Variants in CDK15 observed in about 807,000 individuals in gnomAD.
The protein encoded by CDK15 is cyclin-dependent kinase 15.
Under a neutral mutation model 60.3 loss-of-function variants are expected in CDK15, and 62 were observed. The ratio of observed to expected loss-of-function variants is 1.03; its 90% CI spans 0.84 to 1.27. The LOEUF (loss-of-function observed/expected upper bound fraction) is 1.27. CDK15 is among the 50% of genes most tolerant of loss of function. The probability of loss-of-function intolerance (pLI) is 0.00; values close to 1 mark genes in which losing one functional copy is unlikely to be tolerated. For missense variants in CDK15, 541 were observed against 527.8 expected (o/e 1.03, Z -0.25); for synonymous variants, 194 against 195.7 (o/e 0.99, Z 0.07).
intron 12 of CDK15, among the ~76,000 whole-genome samples, chr2:201,890,412 C>T (rs151137421): frequency 1.3e-5 from 2 of 152,188 alleles, no homozygotes; most frequent in Non-Finnish European, 2.9e-5. Context: ...GGCACCTTGT[C>T]TATGCTCTGT....
In CDK15 at chr2:201,834,856, T is replaced by C. The variant is rs142860046; in HGVS notation, c.731-787T>C. On this transcript the variant is annotated intron_variant, in intron 7 of 13. Transcript: ENST00000652192. Reference sequence around the variant, plus strand: ...CTGACATGTAAGCATTTAACAGATATTTGTTTATCAATTCTCCACAATAGC... The same window carrying C: ...CTGACATGTAAGCATTTAACAGATACTTGTTTATCAATTCTCCACAATAGC... Among the ~76,000 whole-genome samples the C allele has an allele frequency of 2.4e-3, 362 of 152,344 alleles. 2 individuals are homozygous for C. Among genetic ancestry groups the C allele is most frequent in the African/African-American group, 8.2e-3 (341 of 41,574 alleles).
chr2:201,874,833 C>T (rs759794603), intron 11 of CDK15, among the ~76,000 whole-genome samples: 10 of 152,204 alleles, frequency 6.6e-5, no homozygotes, highest in Non-Finnish European at 1.5e-4. Context: ...TGGGCATCTA[C>T]TACATCCCAA....
At chr2:201,838,459 T>C (rs1173695297) in intron 8 of CDK15, among the ~76,000 whole-genome samples, 3 of 151,940 alleles carry the variant, frequency 2.0e-5, no homozygotes, top group Non-Finnish European at 4.4e-5. Flanking sequence ...CAGGCTGGAG[T>C]ACAGAGGTGA....
chr2:201,851,640 T>C (rs1430844085), intron 9 of CDK15, among the ~76,000 whole-genome samples: 1 of 152,152 alleles, frequency 6.6e-6, no homozygotes, highest in Non-Finnish European at 1.5e-5. Flanking sequence ...AATACAAACA[T>C]TTAAACCACA....
At chr2:201,844,934 A>G (rs1200211707) in intron 8 of CDK15, among the ~76,000 whole-genome samples, 1 of 152,214 alleles carries the variant, frequency 6.6e-6, no homozygotes, top group African/African-American at 2.4e-5. Context: ...GGATCAATTG[A>G]GGCCAAGAGT....
intron 9 of CDK15, among the ~76,000 whole-genome samples, chr2:201,850,773 C>A (rs1251564181): frequency 6.6e-6 from 1 of 152,160 alleles, no homozygotes; most frequent in African/African-American, 2.4e-5. Context: ...CAAATGCTCC[C>A]TTTCCTCCAC....
At chr2:201,825,764 A>G (rs1328401603) in intron 6 of CDK15, among the ~76,000 whole-genome samples, 2 of 152,200 alleles carry the variant, frequency 1.3e-5, no homozygotes, top group Admixed American at 1.3e-4. Context: ...GGTAGGCAAG[A>G]GAGTTGAAGA....
chr2:201,872,431 A>G (rs923355091), intron 11 of CDK15, 105 bp downstream of exon 11: 17 of 1,184,620 alleles, frequency 1.4e-5, no homozygotes, highest in Non-Finnish European at 1.8e-5. Context: ...GAGCACTTCC[A>G]TGTGGGGGCT....
chr2:201,817,643 C>T (rs1212635253), intron 4 of CDK15, among the ~76,000 whole-genome samples: 1 of 152,164 alleles, frequency 6.6e-6, no homozygotes, highest in Non-Finnish European at 1.5e-5. Context: ...TAAGGAGCCT[C>T]CCTAAGGTCA....
intron 13 of CDK15, among the ~76,000 whole-genome samples, chr2:201,892,977 T>G (rs1252255353): frequency 6.6e-6 from 1 of 152,132 alleles, no homozygotes; most frequent in Non-Finnish European, 1.5e-5. Context: ...GAACTAAAAT[T>G]TACTGGATAG....
rs923024323 is a variant in CDK15, at chr2:201,839,965, G to T, written c.851+4202G>T. ...CACCCAATTGTTGAGTGCTGCTGGG[G>T]TTTTTTTTTTGTTTTTGTTTTTGTT... On this transcript the variant is annotated intron_variant, in intron 8 of 13. Coordinates refer to ENST00000652192, the MANE Select transcript of CDK15 (RefSeq NM_001366386.2). 5.6e-5 allele frequency among the ~76,000 whole-genome samples: 8 copies of T among 144,116 alleles called. No individual in the cohort carries two copies. The East Asian group carries it at 6.2e-4, about 11-fold the overall frequency. The allele number at this position is 144,116 out of a possible 152,430, so 94.5% of individuals were successfully genotyped here.
At chr2:201,839,679 CAGACAGACAGAT>C (rs368822212) in intron 8 of CDK15, among the ~76,000 whole-genome samples, 1,614 of 145,444 alleles carry the variant, frequency 0.011, 25 homozygotes, top group African/African-American at 0.038. Context: ...GACAGACAGA[CAGACAGACAGAT>C]AGATAGATAA....
chr2:201,815,380 A>G (rs1182787032), intron 4 of CDK15, among the ~76,000 whole-genome samples: 1 of 152,212 alleles, frequency 6.6e-6, no homozygotes, highest in Non-Finnish European at 1.5e-5. Flanking sequence ...CACTGTAGAA[A>G]TATTCATTTA....
upstream of CDK15, chr2:201,806,492 G>T: frequency 1.7e-6 from 1 of 596,676 alleles, no homozygotes; most frequent in Non-Finnish European, 2.7e-6. Flanking sequence ...GGAGTTTCTT[G>T]CACTGATAAG....
chr2:201,842,388 A>G lies in CDK15; in HGVS notation c.852-4993A>G, dbSNP rs374627965. On this transcript the variant is annotated intron_variant, in intron 8 of 13. Transcript: ENST00000652192. ...TCAGTTTCAGGCAGCTGCTGGTGTT[A>G]GGACTAGAGAAAGTTGTCTCTGCCT... 2.6e-5 allele frequency among the ~76,000 whole-genome samples: 4 copies of G among 152,322 alleles called. No homozygotes were observed. In the South Asian group the frequency reaches 8.3e-4, roughly 32 times the overall value.
At chr2:201,824,333 G>A (rs1468989330) in intron 6 of CDK15, among the ~76,000 whole-genome samples, 3 of 152,060 alleles carry the variant, frequency 2.0e-5, no homozygotes, top group Non-Finnish European at 4.4e-5. Flanking sequence ...TGTATATGAT[G>A]TATTTATTCA....
Position 201,807,913 on chromosome 2 carries a change from G to A in CDK15, c.329G>A (p.Gly110Asp), listed in dbSNP as rs761901115. The change falls in exon 3 of 14, where the codon GGT becomes GAT. Residue 110 changes from glycine (G) to aspartate (D), a missense_variant. Physicochemically the swap from Gly to Asp is moderately conservative, Grantham distance 94. Transcript: ENST00000652192. ...TCTTACTTGAACTTGGAGAAGCTGG[G>A]TGAAGGCTCTTATGCGACAGTTTAC... ...ASSYLNLEKL[G>D]EGSYATVYKG... 24 of 1,614,046 alleles carry A rather than the reference G, an allele frequency of 1.5e-5. No homozygotes were observed. Among genetic ancestry groups the A allele is most frequent in the Middle Eastern group, 1.6e-4 (1 of 6,084 alleles).
At chr2:201,819,198 G>C (rs765864542) in intron 4 of CDK15, among the ~76,000 whole-genome samples, 1 of 152,128 alleles carries the variant, frequency 6.6e-6, no homozygotes, top group African/African-American at 2.4e-5. Context: ...CACCTAGAAT[G>C]GTCAAGGAAG....
chr2:201,854,613 G>A lies in CDK15; in HGVS notation c.946-261G>A, dbSNP rs1234981921. On this transcript the variant is annotated intron_variant, in intron 9 of 13. Transcript: ENST00000652192. ...TGAGAACATGACTTTGAGCAAGGCT[G>A]TATGATCTGCCTCAGAACAAGTGAG... 12 of 476,478 alleles carry A rather than the reference G, an allele frequency of 2.5e-5. No individual in the cohort carries two copies. In the East Asian group the frequency reaches 3.6e-4, roughly 14 times the overall value. The allele number at this position is 476,478 out of a possible 1,614,324, so 29.5% of individuals were successfully genotyped here. A position where few individuals can be genotyped will look rare whatever the true frequency, so the allele number is the denominator to read the frequency against.
Sources: gnomAD v4.1 joint callset for allele counts (sites outside exome capture counted in the v4.1 genomes callset) on GRCh38, gnomAD v4.1.1 for gene constraint, MANE v1.5 for transcripts, NCBI Gene and HGNC (gene_info 2026-07-23, HGNC 2026-07-21) for gene names.